UNC5B: variants seen among roughly 807,000 people sequenced by gnomAD.
UNC5B encodes netrin receptor UNC5B.
UNC5B carries 56 observed loss-of-function variants against 103.7 expected under a neutral mutation model. The ratio of observed to expected loss-of-function variants is 0.54; its 90% CI spans 0.44 to 0.67. The LOEUF (loss-of-function observed/expected upper bound fraction) is 0.67, where lower values mean the gene tolerates loss of function less well. Among genes scored for constraint, UNC5B ranks in the 30% least tolerant of loss-of-function variants. The probability of loss-of-function intolerance (pLI) is 0.00; values close to 1 mark genes in which losing one functional copy is unlikely to be tolerated. For synonymous variants in UNC5B, 577 were observed against 542.0 expected (o/e 1.06, Z -0.90); for missense variants, 1,194 against 1,284.5 (o/e 0.93, Z 1.08).
chr10:71,224,754 A>G (rs141530493), intron 1 of UNC5B, among the ~76,000 whole-genome samples: 455 of 152,312 alleles, frequency 3.0e-3, no homozygotes, highest in Non-Finnish European at 4.9e-3. Context: ...CTTTCCACCC[A>G]GAAGGAAATC....
At position 71,219,378 on chromosome 10, in the gene UNC5B, C is replaced by T. The variant is rs143289422; in HGVS notation, c.79+6314C>T. Among the ~76,000 whole-genome samples the T allele has an allele frequency of 3.3e-3, 503 of 152,270 alleles. 5 individuals are homozygous for T. Among genetic ancestry groups the T allele is most frequent in the South Asian group, 0.029 (140 of 4,804 alleles). ...GGCTGAGGAGCAAGGAGAGCCAGTC[C>T]GAGTTCCAAAACCGAAGAACTTCTA... On this transcript the variant is annotated intron_variant, in intron 1 of 16. Transcript: ENST00000335350.
intron 1 of UNC5B, among the ~76,000 whole-genome samples, chr10:71,251,766 A>G (rs960646475): frequency 3.3e-5 from 5 of 152,190 alleles, no homozygotes; most frequent in African/African-American, 1.2e-4. Flanking sequence ...CTCTCCTGTG[A>G]GAGTCTCAGT....
intron 2 of UNC5B, among the ~76,000 whole-genome samples, chr10:71,282,160 G>A (rs1312090819): frequency 6.6e-6 from 1 of 152,230 alleles, no homozygotes; most frequent in Admixed American, 6.5e-5. Flanking sequence ...CAAATAATGG[G>A]CAGAGCTTCC....
At chr10:71,274,449 A>G (rs896441195) in intron 1 of UNC5B, among the ~76,000 whole-genome samples, 19 of 152,236 alleles carry the variant, frequency 1.2e-4, no homozygotes, top group Non-Finnish European at 1.5e-4. Flanking sequence ...AGGCTTTTCT[A>G]ACTATTAGGT....
At chr10:71,278,644 G>C (rs1260358285) in intron 1 of UNC5B, among the ~76,000 whole-genome samples, 3 of 152,212 alleles carry the variant, frequency 2.0e-5, no homozygotes, top group Non-Finnish European at 4.4e-5. Flanking sequence ...ACTCCCTAGA[G>C]CCAGATGTGG....
intron 1 of UNC5B, among the ~76,000 whole-genome samples, chr10:71,279,530 G>C (rs1171342289): frequency 6.6e-6 from 1 of 152,192 alleles, no homozygotes; most frequent in Non-Finnish European, 1.5e-5. Flanking sequence ...TCCCCTCCCG[G>C]GACCTCCTTG....
chr10:71,285,558 C>T lies in UNC5B; in HGVS notation c.552+129C>T, dbSNP rs530103759. On this transcript the variant is annotated intron_variant, in intron 4 of 16. Coordinates refer to ENST00000335350, the MANE Select transcript of UNC5B (RefSeq NM_170744.5). ...GCCCTGCCCCTTTCGCAGATGAGATCGAGGCTTAGCACAGAGAAGAGAACT... is the reference window on the plus strand; with the variant it reads ...GCCCTGCCCCTTTCGCAGATGAGATTGAGGCTTAGCACAGAGAAGAGAACT... The T allele has an allele frequency of 4.7e-5, 38 of 805,436 alleles. No homozygotes were observed. The South Asian group carries it at 4.9e-4, about 10-fold the overall frequency. 49.9% of individuals were successfully genotyped at this position (805,436 alleles called of 1,614,324 possible).
rs528807616 is a variant in UNC5B at position 71,302,108 on chromosome 10, G to GCGGAGGCTGCCTGCCTC, written c.*2831_*2832insCGGAGGCTGCCTGCCTC. On this transcript the variant is annotated 3_prime_UTR_variant, in exon 17 of 17. Coordinates refer to ENST00000335350, the MANE Select transcript of UNC5B (RefSeq NM_170744.5). ...AAGGCTTTGCCGACTCCATCCGTCT[G>GCGGAGGCTGCCTGCCTC]TGGAGGCTGCCTGCCTCCGGGGTGG... is the stretch of plus-strand genomic sequence containing the variant. 6.6e-6 allele frequency: 1 copy of GCGGAGGCTGCCTGCCTC among 152,248 alleles called. No individual in the cohort carries two copies. Among genetic ancestry groups the GCGGAGGCTGCCTGCCTC allele is most frequent in the Non-Finnish European group, 1.5e-5 (1 of 68,062 alleles). 9.4% of individuals were successfully genotyped at this position (152,248 alleles called of 1,614,324 possible).
intron 1 of UNC5B, among the ~76,000 whole-genome samples, chr10:71,266,070 C>A (rs898975672): frequency 1.3e-5 from 2 of 152,114 alleles, no homozygotes; most frequent in Non-Finnish European, 2.9e-5. Context: ...GTGCTTCTAT[C>A]CTTTCTTTTT....
intron 1 of UNC5B, among the ~76,000 whole-genome samples, chr10:71,248,911 AAC>A (rs1292600804): frequency 6.6e-6 from 1 of 150,686 alleles, no homozygotes; most frequent in Non-Finnish European, 1.5e-5. Context: ...ATAGATGTAA[AAC>A]ACACACCATG....
At chr10:71,292,418 T>C in intron 10 of UNC5B, 49 bp from the exon 11 acceptor site, 2 of 1,508,170 alleles carry the variant, frequency 1.3e-6, no homozygotes, top group South Asian at 1.2e-5. Context: ...TCCCAAACAC[T>C]TGTTCTCCTA....
At chr10:71,235,488 G>A (rs577820453) in intron 1 of UNC5B, among the ~76,000 whole-genome samples, 35 of 152,356 alleles carry the variant, frequency 2.3e-4, no homozygotes, top group African/African-American at 8.2e-4. Flanking sequence ...GACAGAGGGT[G>A]GGGTTCCTTC....
At chr10:71,256,409 G>T (rs966600715) in intron 1 of UNC5B, among the ~76,000 whole-genome samples, 25 of 152,220 alleles carry the variant, frequency 1.6e-4, no homozygotes, top group African/African-American at 6.0e-4. Flanking sequence ...GCCCTGCCTG[G>T]GCCCAGTGTA....
chr10:71,216,164 G>A (rs780572157), intron 1 of UNC5B, among the ~76,000 whole-genome samples: 1 of 152,160 alleles, frequency 6.6e-6, no homozygotes, highest in Non-Finnish European at 1.5e-5. Flanking sequence ...GTAGCGCCAG[G>A]ACTTGAACTG....
intron 14 of UNC5B, among the ~76,000 whole-genome samples, chr10:71,296,275 C>G (rs553700236): frequency 6.6e-6 from 1 of 152,346 alleles, no homozygotes; most frequent in East Asian, 1.9e-4. Flanking sequence ...GACTGCCCAT[C>G]TCATCTCTGA....
At chr10:71,255,787 A>G (rs1282799898) in intron 1 of UNC5B, among the ~76,000 whole-genome samples, 1 of 152,242 alleles carries the variant, frequency 6.6e-6, no homozygotes. Context: ...GACTTCTGCA[A>G]GCTCTGCTGA....
intron 11 of UNC5B, 88 bp downstream of exon 11, chr10:71,292,642 C>A: frequency 1.8e-6 from 2 of 1,107,212 alleles, no homozygotes; most frequent in Non-Finnish European, 2.7e-6. Flanking sequence ...AGCCTGATGC[C>A]AAGACCAAAC....
intron 2 of UNC5B, among the ~76,000 whole-genome samples, chr10:71,281,813 CA>C (rs1287349809): frequency 6.6e-6 from 1 of 152,236 alleles, no homozygotes; most frequent in African/African-American, 2.4e-5. Context: ...GTGGCGTACA[CA>C]TAGCACAGAA....
intron 1 of UNC5B, among the ~76,000 whole-genome samples, chr10:71,246,112 G>A (rs528864182): frequency 2.6e-5 from 4 of 152,208 alleles, no homozygotes; most frequent in East Asian, 1.9e-4. Context: ...CAAGACTCCC[G>A]CCTGTGGAAG....
Sources: gnomAD v4.1 joint callset for allele counts (sites outside exome capture counted in the v4.1 genomes callset) on GRCh38, gnomAD v4.1.1 for gene constraint, MANE v1.5 for transcripts, NCBI Gene and HGNC (gene_info 2026-07-23, HGNC 2026-07-21) for gene names.